FSIP2: variants seen among roughly 807,000 people sequenced by gnomAD.
FSIP2 encodes fibrous sheath-interacting protein 2.
In FSIP2, 367 loss-of-function variants were observed where a neutral mutation model predicts 510.5. The ratio of observed to expected loss-of-function variants is 0.72; its 90% CI spans 0.66 to 0.78. The LOEUF (loss-of-function observed/expected upper bound fraction) is 0.78. Ranked by LOEUF, FSIP2 falls within the 30% of genes least tolerant of loss-of-function variation. The pLI is 0.00. For missense variants in FSIP2, 7,594 were observed against 7,901.7 expected (o/e 0.96, Z 1.48); for synonymous variants, 2,601 against 2,732.2 (o/e 0.95, Z 1.50).
At chr2:185,829,662 C>G (rs1694073054) in intron 21 of FSIP2, among the ~76,000 whole-genome samples, 1 of 151,954 alleles carries the variant, frequency 6.6e-6, no homozygotes, top group Non-Finnish European at 1.5e-5. Flanking sequence ...ACCTAAAACT[C>G]TGAAAGAAAA....
intron 7 of FSIP2, 78 bp from the exon 8 acceptor site, chr2:185,753,644 G>A: frequency 1.5e-6 from 1 of 670,558 alleles, no homozygotes; most frequent in Non-Finnish European, 2.3e-6. Context: ...TCAAAATATT[G>A]TCACATTTTA....
intron 14 of FSIP2, among the ~76,000 whole-genome samples, chr2:185,785,870 G>A (rs955332869): frequency 3.9e-5 from 6 of 151,942 alleles, no homozygotes; most frequent in African/African-American, 1.4e-4. Flanking sequence ...CTGGTCAGAT[G>A]CCTTGCTACT....
rs1317762279 is a variant in FSIP2, at chr2:185,786,403, G to A, written c.1506+115G>A. 4.3e-6 allele frequency: 3 copies of A among 694,124 alleles called. No individual in the cohort carries two copies. In the African/African-American group the frequency reaches 5.4e-5, roughly 13 times the overall value. 43.0% of individuals were successfully genotyped at this position (694,124 alleles called of 1,614,324 possible). ...AGGAATCATCCATTGATATTTGTTA[G>A]GCTTCCTTTTTGCCCCTTTTTCTTC... On this transcript the variant is annotated intron_variant, in intron 15 of 22. Coordinates refer to ENST00000424728, the MANE Select transcript of FSIP2 (RefSeq NM_173651.4).
rs1196181539 is a variant in FSIP2 at position 185,801,415 on chromosome 2, C to T, written c.12109C>T (p.Pro4037Ser). The T allele has an allele frequency of 2.0e-6, 3 of 1,533,888 alleles. No homozygotes were observed. Among genetic ancestry groups the T allele is most frequent in the Non-Finnish European group, 2.6e-6 (3 of 1,145,432 alleles). The change falls in exon 17 of 23, where the codon CCA (proline) becomes TCA (serine). Residue 4037 changes from proline to serine, a missense_variant. Physicochemically the swap from Pro to Ser is moderately conservative, Grantham distance 74. Transcript: ENST00000424728. ...RNAEERLCFP[P>S]VHTETVSKIV... Reference sequence around the variant, plus strand: ...TGCTGAAGAAAGGCTGTGTTTTCCACCAGTTCATACAGAAACTGTTAGCAA... The same window carrying T: ...TGCTGAAGAAAGGCTGTGTTTTCCATCAGTTCATACAGAAACTGTTAGCAA...
rs746547008 is a variant in FSIP2, at chr2:185,806,254, C to T, written c.16948C>T (p.Arg5650Ter). Reference protein sequence around the residue: ...TTTDTLEIRIRTSSNEGRRDS... With the variant: ...TTTDTLEIRI ...AACAGATACTTTGGAAATAAGAATT[C>T]GAACATCAAGCAATGAGGGGAGAAG... Residue 5650 changes from arginine (R) to a stop codon, truncating the protein, a stop_gained, in exon 17 of 23, where the codon CGA becomes TGA. Coordinates refer to ENST00000424728, the MANE Select transcript of FSIP2 (RefSeq NM_173651.4). LOFTEE classifies it high-confidence loss of function. 3.1e-6 allele frequency: 5 copies of T among 1,609,598 alleles called. No homozygotes were observed. The highest frequency in any genetic ancestry group is 1.3e-5 in the African/African-American group (1 of 74,630).
At position 185,806,186 on chromosome 2, in the gene FSIP2, T is replaced by C; in HGVS notation, c.16880T>C (p.Phe5627Ser). Reference protein sequence around the residue: ...ESSFKKDDKLFQLSSLKSKRN... With the variant: ...ESSFKKDDKLSQLSSLKSKRN... ...TCATTTAAAAAAGATGACAAGCTCT[T>C]TCAGTTATCCTCCTTGAAGTCCAAG... The change falls in exon 17 of 23, where the codon TTT becomes TCT. Residue 5627 changes from phenylalanine (F) to serine (S), a missense_variant. Coordinates refer to ENST00000424728, the MANE Select transcript of FSIP2 (RefSeq NM_173651.4). 1 of 1,589,148 alleles carries C rather than the reference T, an allele frequency of 6.3e-7. No individual in the cohort carries two copies. Among genetic ancestry groups the C allele is most frequent in the East Asian group, 2.2e-5 (1 of 44,718 alleles).
chr2:185,771,745 TAGTA>T (rs1692612291), intron 13 of FSIP2, among the ~76,000 whole-genome samples: 1 of 152,218 alleles, frequency 6.6e-6, no homozygotes, highest in Admixed American at 6.5e-5. Context: ...CTAATCTCTC[TAGTA>T]AGTGATTGCT....
In FSIP2 at chr2:185,793,470, T is replaced by C. The variant is rs1693188913; in HGVS notation, c.6334T>C (p.Ser2112Pro). Residue 2112 changes from serine (S) to proline (P), a missense_variant, in exon 16 of 23, where the codon TCA (serine) becomes CCA (proline). Physicochemically the swap from Ser to Pro is moderately conservative, Grantham distance 74 (BLOSUM62 -1). Transcript: ENST00000424728. Reference sequence around the variant, plus strand: ...AAAAACCCTGTTTCAGAATAATCTCTCATTTGCCACACCCACTCTGAAATG... The same window carrying C: ...AAAAACCCTGTTTCAGAATAATCTCCCATTTGCCACACCCACTCTGAAATG... ...YEKTLFQNNL[S>P]FATPTLKCSI... 2 of 1,534,422 alleles carry C rather than the reference T, an allele frequency of 1.3e-6. No individual in the cohort carries two copies. The highest frequency in any genetic ancestry group is 2.7e-5 in the African/African-American group (2 of 72,882).
At chr2:185,782,868 T>C in intron 14 of FSIP2, 106 bp downstream of exon 14, 1 of 683,444 alleles carries the variant, frequency 1.5e-6, no homozygotes. Context: ...TTTATAGTTC[T>C]ACTTGGATTT....
Position 185,786,293 on chromosome 2 carries a change from G to T in FSIP2, c.1506+5G>T. 6.6e-7 allele frequency: 1 copy of T among 1,514,938 alleles called. No homozygotes were observed. The highest frequency in any genetic ancestry group is 1.2e-5 in the South Asian group (1 of 82,316). 93.8% of individuals were successfully genotyped at this position (1,514,938 alleles called of 1,614,324 possible). On this transcript the variant is annotated splice_donor_5th_base_variant and intron_variant, in intron 15 of 22. Transcript: ENST00000424728. ...CAAAATTGCTTGCAAGAAAAAGTAT[G>T]TATCATAAAATCCACCGAGAAAGCA...
At chr2:185,750,018 A>G (rs192495931) in intron 7 of FSIP2, among the ~76,000 whole-genome samples, 10 of 151,868 alleles carry the variant, frequency 6.6e-5, no homozygotes, top group Admixed American at 2.0e-4. Context: ...TTAAACAAAT[A>G]TACTTGGTCT....
chr2:185,802,428 C>G lies in FSIP2; in HGVS notation c.13122C>G (p.Ala4374=). ...ATACAGATATTGTGGATGAACTTGC[C>G]ACCTCAGTTTATAGAAATGCTTTAA... ...SFNTDIVDEL[A]TSVYRNALKQ... Residue 4374 remains alanine (A), a synonymous_variant, in exon 17 of 23, where the codon GCC becomes GCG. Transcript: ENST00000424728. The G allele has an allele frequency of 1.3e-6, 2 of 1,533,836 alleles. No homozygotes were observed. Among genetic ancestry groups the G allele is most frequent in the Non-Finnish European group, 1.7e-6 (2 of 1,145,442 alleles).
chr2:185,823,412 T>C (rs1388755958), intron 19 of FSIP2, among the ~76,000 whole-genome samples: 1 of 151,614 alleles, frequency 6.6e-6, no homozygotes, highest in East Asian at 2.0e-4. Flanking sequence ...GAATAGGCAG[T>C]TCTCTAAGAA....
In FSIP2 at chr2:185,806,305, G is replaced by A; in HGVS notation, c.16999G>A (p.Asp5667Asn). 1 of 1,608,006 alleles carries A rather than the reference G, an allele frequency of 6.2e-7. No individual in the cohort carries two copies. The highest frequency in any genetic ancestry group is 1.7e-4 in the Middle Eastern group (1 of 6,006). ...AGACTCTCCAACACAAACGTGTAGG[G>A]ATGAGGAACACCACTCAGATTATGA... is the stretch of plus-strand genomic sequence containing the variant. ...RRDSPTQTCR[D>N]EEHHSDYEHV... Residue 5667 changes from aspartate to asparagine, a missense_variant, in exon 17 of 23, where the codon GAT becomes AAT. Coordinates refer to ENST00000424728, the MANE Select transcript of FSIP2 (RefSeq NM_173651.4).
Position 185,793,880 on chromosome 2 carries a change from A to G in FSIP2, c.6744A>G (p.Glu2248=). Residue 2248 remains glutamate, a synonymous_variant, in exon 16 of 23, where the codon GAA becomes GAG. Transcript: ENST00000424728. ...TQKSATDSCE[E]NANFITKTIF... ...AATCTGCTACTGACTCATGTGAGGA[A>G]AATGCTAACTTCATTACTAAAACTA... is the stretch of plus-strand genomic sequence containing the variant. 13 of 1,531,136 alleles carry G rather than the reference A, an allele frequency of 8.5e-6. No individual in the cohort carries two copies. Among genetic ancestry groups the G allele is most frequent in the African/African-American group, 5.5e-5 (4 of 72,784 alleles). 94.8% of individuals were successfully genotyped at this position (1,531,136 alleles called of 1,614,324 possible).
At chr2:185,742,248 A>G (rs1010215364) in intron 2 of FSIP2, among the ~76,000 whole-genome samples, 21 of 152,202 alleles carry the variant, frequency 1.4e-4, no homozygotes, top group Admixed American at 6.5e-5. Flanking sequence ...GAGGTCCCCC[A>G]ATAAGCCATT....
chr2:185,768,982 T>C (rs1043649204), intron 13 of FSIP2, among the ~76,000 whole-genome samples: 2 of 152,196 alleles, frequency 1.3e-5, no homozygotes. Context: ...CATGGCTGCA[T>C]AGTATTCTAT....
At chr2:185,814,317 A>G (rs17230101) in intron 18 of FSIP2, among the ~76,000 whole-genome samples, 14,790 of 152,070 alleles carry the variant, frequency 0.097, 767 homozygotes, top group Middle Eastern at 0.14. Flanking sequence ...ATTATTAAAA[A>G]CAGTTGGTTT....
Position 185,790,052 on chromosome 2 carries a change from C to A in FSIP2, c.2916C>A (p.Tyr972Ter). 6.5e-7 allele frequency: 1 copy of A among 1,533,494 alleles called. No individual in the cohort carries two copies. The highest frequency in any genetic ancestry group is 8.7e-7 in the Non-Finnish European group (1 of 1,145,284). 95.0% of individuals were successfully genotyped at this position (1,533,494 alleles called of 1,614,324 possible). A position where few individuals can be genotyped will look rare whatever the true frequency, so the allele number is the denominator to read the frequency against. Reference protein sequence around the residue: ...ISSPSDTKEKYRLTGTRLSNS... With the variant: ...ISSPSDTKEK ...GTCCTTCTGACACCAAAGAAAAGTA[C>A]AGACTCACTGGCACTAGATTATCAA... The change falls in exon 16 of 23, where the codon TAC becomes TAA. Residue 972 changes from tyrosine (Y) to a stop codon, truncating the protein, a stop_gained. Coordinates refer to ENST00000424728, the MANE Select transcript of FSIP2 (RefSeq NM_173651.4). LOFTEE classifies it high-confidence loss of function.
Sources: gnomAD v4.1 joint callset for allele counts (sites outside exome capture counted in the v4.1 genomes callset) on GRCh38, gnomAD v4.1.1 for gene constraint, MANE v1.5 for transcripts, NCBI Gene and HGNC (gene_info 2026-07-23, HGNC 2026-07-21) for gene names.